The following MORC2 variants were observed in gnomAD, a reference collection of about 807,000 sequenced individuals.
MORC2 encodes MORC family CW-type zinc finger 2, also known as ATPase MORC2.
Under a neutral mutation model 136.0 loss-of-function variants are expected in MORC2, and 30 were observed. That is an observed-to-expected ratio of 0.22 (90% confidence interval 0.17 to 0.30). The LOEUF is 0.30. Ranked by LOEUF, MORC2 falls within the 10% of genes least tolerant of loss-of-function variation. MORC2 has a pLI of 1.00. For synonymous variants in MORC2, 439 were observed against 487.0 expected, an observed-to-expected ratio of 0.90 and a Z score of 1.30; for missense variants, 922 against 1,333.1, an observed-to-expected ratio of 0.69 and a Z score of 4.80.
intron 10 of MORC2, 39 bp from the exon 11 acceptor site, chr22:30,940,080 T>G (rs1300623667): frequency 1.9e-6 from 3 of 1,598,008 alleles, no homozygotes; most frequent in Non-Finnish European, 2.6e-6. Context: ...AATGCAAAGG[T>G]TCAAAACTCT....
intron 10 of MORC2, 29 bp downstream of exon 10, chr22:30,940,729 C>T: frequency 6.2e-7 from 1 of 1,605,676 alleles, no homozygotes; most frequent in Non-Finnish European, 8.5e-7. Context: ...TGCACACCCC[C>T]CCAACTCCTG....
At chr22:30,933,151 C>T in intron 21 of MORC2, 121 bp from the exon 22 acceptor site, 1 of 1,381,794 alleles carries the variant, frequency 7.2e-7, no homozygotes. Flanking sequence ...GGTGCTTGCC[C>T]CCACTACACC....
chr22:30,936,259 T>C (rs2040650325), intron 17 of MORC2, among the ~76,000 whole-genome samples: 2 of 152,248 alleles, frequency 1.3e-5, no homozygotes, highest in Admixed American at 6.5e-5. Flanking sequence ...TTATACATTC[T>C]AAATGAATTG....
chr22:30,960,421 A>G (rs2041026268), intron 1 of MORC2, among the ~76,000 whole-genome samples: 1 of 152,206 alleles, frequency 6.6e-6, no homozygotes, highest in African/African-American at 2.4e-5. Flanking sequence ...TTACCTAGGA[A>G]ATAGAGTTCA....
intron 3 of MORC2, among the ~76,000 whole-genome samples, chr22:30,955,262 C>T (rs936461443): frequency 3.3e-5 from 5 of 152,044 alleles, no homozygotes; most frequent in African/African-American, 1.2e-4. Context: ...CCAGCCTTGG[C>T]CTGAGCATTT....
chr22:30,937,552 T>C lies in MORC2; in HGVS notation c.1498+31A>G. The C allele has an allele frequency of 6.2e-7, 1 of 1,605,068 alleles. No homozygotes were observed. Among genetic ancestry groups the C allele is most frequent in the Non-Finnish European group, 8.5e-7 (1 of 1,176,772 alleles). On this transcript the variant is annotated intron_variant, in intron 15 of 25. Transcript: ENST00000397641. The surrounding 1 kb of genome is among the most constrained non-coding windows in gnomAD (Gnocchi z 4.7). ...AAAGAGGCTTGTGGGCTGATGGAAA[T>C]GAGTCGGGGGGGTCCAACCACCCAA...
chr22:30,950,339 A>ACCACCC, intron 4 of MORC2, 38 bp downstream of exon 4: 2 of 539,984 alleles, frequency 3.7e-6, no homozygotes, highest in Non-Finnish European at 3.5e-6. Context: ...GTTACATCGC[A>ACCACCC]CCCCCCCACC....
intron 3 of MORC2, among the ~76,000 whole-genome samples, chr22:30,955,900 C>T (rs1316348630): frequency 6.6e-6 from 1 of 150,640 alleles, no homozygotes; most frequent in Non-Finnish European, 1.5e-5. Context: ...ATCCCAGCTA[C>T]TTGGGAGTCT....
In MORC2 at chr22:30,941,392, G is replaced by C. The variant is rs776289981; in HGVS notation, c.824+41C>G. The C allele has an allele frequency of 6.2e-7, 1 of 1,605,488 alleles. No homozygotes were observed. The highest frequency in any genetic ancestry group is 8.5e-7 in the Non-Finnish European group (1 of 1,174,688). ...CCCAGAGAAACGCGGCCACATCCTC[G>C]ACCCATGGGAGACAGCAGGCCAAGG... is the stretch of plus-strand genomic sequence containing the variant. On this transcript the variant is annotated intron_variant, in intron 9 of 25. Transcript: ENST00000397641. This position sits in a 1 kb window ranked among gnomAD's most constrained non-coding sequence, Gnocchi z 4.6.
At chr22:30,943,846 T>C (rs1212522194) in intron 6 of MORC2, among the ~76,000 whole-genome samples, 1 of 152,206 alleles carries the variant, frequency 6.6e-6, no homozygotes, top group African/African-American at 2.4e-5. Context: ...CTCGGCTCAC[T>C]GCAACCTCCG....
chr22:30,945,020 G>A (rs1189138634), intron 6 of MORC2, among the ~76,000 whole-genome samples: 1 of 152,118 alleles, frequency 6.6e-6, no homozygotes, highest in African/African-American at 2.4e-5. Flanking sequence ...GCCTAACCTG[G>A]CCCTCTCTGA....
chr22:30,932,374 T>C lies in MORC2; in HGVS notation c.2826A>G (p.Leu942=). ...CCAGACTCACCAGAGGAAAAGATAT[T>C]AGCTCATCTGAATTCATAGCACTCA... ...KQLSAMNSDE[L]ISFPLKEYFK... Residue 942 remains leucine, a synonymous_variant, in exon 24 of 26, where the codon CTA becomes CTG. Transcript: ENST00000397641. This position sits in a 1 kb window ranked among gnomAD's most constrained non-coding sequence, Gnocchi z 4.4. 1 of 1,613,712 alleles carries C rather than the reference T, an allele frequency of 6.2e-7. No individual in the cohort carries two copies. Among genetic ancestry groups the C allele is most frequent in the Non-Finnish European group, 8.5e-7 (1 of 1,179,640 alleles).
rs2041153571 is a variant in MORC2 at position 30,967,913 on chromosome 22, T to C, written c.-24A>G. On this transcript the variant is annotated 5_prime_UTR_variant, in exon 1 of 26. Coordinates refer to ENST00000397641, the MANE Select transcript of MORC2 (RefSeq NM_001303256.3). ...ATGACTGCAATAAGGTCTCCAGCCC[T>C]TCACCCGCTAACTGGGAAATATAAC... 6.7e-7 allele frequency: 1 copy of C among 1,496,902 alleles called. No individual in the cohort carries two copies. The highest frequency in any genetic ancestry group is 9.1e-7 in the Non-Finnish European group (1 of 1,097,860). The allele number at this position is 1,496,902 out of a possible 1,614,324, so 92.7% of individuals were successfully genotyped here. A position where few individuals can be genotyped will look rare whatever the true frequency, so the allele number is the denominator to read the frequency against.
In MORC2 at chr22:30,926,588, T is replaced by TAAAAAAAAA. The variant is rs2040487227; in HGVS notation, c.*214_*215insTTTTTTTTT. ...AAAAAAAAAAAAAAAAAAAAAAAAG[T>TAAAAAAAAA]ATGGTCTCACAGGCACAGCATCTTC... is the stretch of plus-strand genomic sequence containing the variant. On this transcript the variant is annotated 3_prime_UTR_variant, in exon 26 of 26. Transcript: ENST00000397641. 3 of 93,112 alleles carry TAAAAAAAAA rather than the reference T, an allele frequency of 3.2e-5. No homozygotes were observed. The highest frequency in any genetic ancestry group is 5.8e-5 in the Non-Finnish European group (3 of 51,406). The allele number at this position is 93,112 out of a possible 1,614,324, so 5.8% of individuals were successfully genotyped here. A position where few individuals can be genotyped will look rare whatever the true frequency, so the allele number is the denominator to read the frequency against.
At chr22:30,953,464 TAAAG>T (rs1400548802) in intron 3 of MORC2, among the ~76,000 whole-genome samples, 2 of 152,076 alleles carry the variant, frequency 1.3e-5, no homozygotes, top group Non-Finnish European at 2.9e-5. Flanking sequence ...CTGGGAAGAA[TAAAG>T]AAAGAAAGCA....
intron 10 of MORC2, among the ~76,000 whole-genome samples, chr22:30,940,463 T>G (rs189097433): frequency 2.0e-5 from 3 of 152,234 alleles, no homozygotes; most frequent in Admixed American, 2.0e-4. Context: ...AAAAGCAATT[T>G]CACAAGTATT....
intron 1 of MORC2, among the ~76,000 whole-genome samples, chr22:30,961,985 C>T (rs1363306924): frequency 2.0e-5 from 3 of 152,004 alleles, no homozygotes; most frequent in African/African-American, 7.3e-5. Flanking sequence ...CGCTTGAACT[C>T]AGGAGTTTGA....
At chr22:30,954,342 G>C (rs1400050467) in intron 3 of MORC2, among the ~76,000 whole-genome samples, 1 of 152,130 alleles carries the variant, frequency 6.6e-6, no homozygotes, top group Non-Finnish European at 1.5e-5. Context: ...GTAGAAAAGT[G>C]TAGGGTTAAA....
chr22:30,934,551 A>G lies in MORC2; in HGVS notation c.2193+230T>C, dbSNP rs2040624009. 6.6e-6 allele frequency among the ~76,000 whole-genome samples: 1 copy of G among 152,222 alleles called. No individual in the cohort carries two copies. The highest frequency in any genetic ancestry group is 2.4e-5 in the African/African-American group (1 of 41,456). ...AGTGGAGGTGACTCAAGTTTGTGGC[A>G]GACCAAAACTCGGAGGCAACAGTGA... On this transcript the variant is annotated intron_variant, in intron 19 of 25. Transcript: ENST00000397641. The surrounding 1 kb of genome is among the most constrained non-coding windows in gnomAD (Gnocchi z 4.4).
Sources: allele counts gnomAD v4.1 joint callset (sites outside exome capture counted in the v4.1 genomes callset), GRCh38; gene constraint gnomAD v4.1.1; non-coding constraint Gnocchi (gnomAD v3.1); transcripts MANE v1.5; gene names NCBI Gene and HGNC (gene_info 2026-07-23, HGNC 2026-07-21).